ABCC4: variants seen among roughly 807,000 people sequenced by gnomAD.
The protein encoded by ABCC4 is ATP-binding cassette sub-family C member 4.
ABCC4 carries 102 observed loss-of-function variants against 168.5 expected under a neutral mutation model. The ratio of observed to expected loss-of-function variants is 0.61; its 90% CI spans 0.52 to 0.71. The LOEUF is 0.71. Ranked by LOEUF, ABCC4 falls within the 30% of genes least tolerant of loss-of-function variation. ABCC4 has a pLI of 0.00. For synonymous variants in ABCC4, 617 were observed against 590.7 expected, an observed-to-expected ratio of 1.04 and a Z score of -0.65; for missense variants, 1,402 against 1,605.8, an observed-to-expected ratio of 0.87 and a Z score of 2.17.
At chr13:95,045,821 A>G (rs2032552515) in intron 27 of ABCC4, among the ~76,000 whole-genome samples, 1 of 152,186 alleles carries the variant, frequency 6.6e-6, no homozygotes, top group Non-Finnish European at 1.5e-5. Flanking sequence ...ATGCCCAACA[A>G]CAAAAAGCCA....
chr13:95,063,086 C>T (rs2033364718), intron 25 of ABCC4, among the ~76,000 whole-genome samples: 1 of 152,160 alleles, frequency 6.6e-6, no homozygotes, highest in African/African-American at 2.4e-5. Flanking sequence ...CATCCCTGGA[C>T]CCTACTGCAT....
intron 1 of ABCC4, among the ~76,000 whole-genome samples, chr13:95,275,342 A>G (rs568997549): frequency 1.3e-5 from 2 of 152,312 alleles, no homozygotes; most frequent in African/African-American, 4.8e-5. Flanking sequence ...TCTTAGGAGA[A>G]AAGGCAAGGA....
At chr13:95,281,127 T>C (rs1162177645) in intron 1 of ABCC4, among the ~76,000 whole-genome samples, 2 of 151,678 alleles carry the variant, frequency 1.3e-5, no homozygotes, top group African/African-American at 4.8e-5. Flanking sequence ...TGTGGCAACA[T>C]GGTGAAACCC....
intron 1 of ABCC4, among the ~76,000 whole-genome samples, chr13:95,251,118 GA>G (rs970603701): frequency 5.3e-5 from 8 of 152,122 alleles, no homozygotes; most frequent in Non-Finnish European, 1.0e-4. Flanking sequence ...GTATAAGAGG[GA>G]AAACACAGGT....
chr13:95,218,927 G>GAGAAAGAA (rs71111597), intron 4 of ABCC4, among the ~76,000 whole-genome samples: 1,737 of 42,350 alleles, frequency 0.041, 57 homozygotes, highest in Middle Eastern at 0.073. Context: ...GAGAAAGAAA[G>GAGAAAGAA]AGAAAGAAAG....
chr13:95,259,813 G>C (rs970039515), intron 1 of ABCC4, among the ~76,000 whole-genome samples: 2 of 146,684 alleles, frequency 1.4e-5, no homozygotes, highest in African/African-American at 5.0e-5. Flanking sequence ...TGTTAACAAA[G>C]AATTACAGTA....
intron 1 of ABCC4, among the ~76,000 whole-genome samples, chr13:95,292,194 C>T (rs558114929): frequency 6.6e-6 from 1 of 152,080 alleles, no homozygotes; most frequent in South Asian, 2.1e-4. Context: ...TTCATCTCTA[C>T]AAAAAATATA....
chr13:95,071,521 T>A, intron 25 of ABCC4, 141 bp downstream of exon 25: 1 of 674,142 alleles, frequency 1.5e-6, no homozygotes. Context: ...AGAATGTTGG[T>A]ATCCACATTC....
chr13:95,145,463 A>G (rs2036460302), intron 19 of ABCC4, among the ~76,000 whole-genome samples: 1 of 151,568 alleles, frequency 6.6e-6, no homozygotes, highest in African/African-American at 2.4e-5. Flanking sequence ...TCTACCTAAA[A>G]AAAAAAAAAA....
At position 95,247,565 on chromosome 13, in the gene ABCC4, AC is replaced by A. The variant is rs1594374643; in HGVS notation, c.185+77del. ...AGGGTAAACGGAGGCTCCAGACAGG[AC>A]CCAGGAAGGCAAAACCCACTCCCCA... is the stretch of plus-strand genomic sequence containing the variant. On this transcript the variant is annotated intron_variant, in intron 2 of 30. Coordinates refer to ENST00000645237, the MANE Select transcript of ABCC4 (RefSeq NM_005845.5). The A allele has an allele frequency of 1.1e-5, 12 of 1,099,024 alleles. No homozygotes were observed. The East Asian group carries it at 2.8e-4, about 26-fold the overall frequency. 68.1% of individuals were successfully genotyped at this position (1,099,024 alleles called of 1,614,324 possible).
intron 1 of ABCC4, among the ~76,000 whole-genome samples, chr13:95,297,050 C>T (rs2041552579): frequency 6.6e-6 from 1 of 152,100 alleles, no homozygotes; most frequent in Admixed American, 6.6e-5. Context: ...GCAGGTGTAT[C>T]ACCTGAGGTC....
chr13:95,039,320 C>T (rs114070850), intron 29 of ABCC4, among the ~76,000 whole-genome samples: 27 of 152,326 alleles, frequency 1.8e-4, no homozygotes, highest in African/African-American at 6.5e-4. Flanking sequence ...TTTCAGATTT[C>T]AGATTAGGGG....
chr13:95,145,845 A>G (rs2036475334), intron 19 of ABCC4, among the ~76,000 whole-genome samples: 2 of 152,180 alleles, frequency 1.3e-5, no homozygotes, highest in African/African-American at 2.4e-5. Flanking sequence ...AATTAACAAG[A>G]AACAGAAAAC....
At chr13:95,163,281 A>G (rs3765535) in intron 17 of ABCC4, 65 bp from the exon 18 acceptor site, 161,261 of 1,147,516 alleles carry the variant, frequency 0.14, 15,236 homozygotes, top group African/African-American at 0.41. Flanking sequence ...ACATTTTTTT[A>G]AAAATGAACC....
chr13:95,031,483 C>A (rs1182184820), intron 30 of ABCC4, among the ~76,000 whole-genome samples: 1 of 152,266 alleles, frequency 6.6e-6, no homozygotes, highest in Non-Finnish European at 1.5e-5. Context: ...GACACATGAC[C>A]CAACATCCTC....
chr13:95,161,470 T>C, intron 18 of ABCC4, 135 bp from the exon 19 acceptor site: 1 of 592,946 alleles, frequency 1.7e-6, no homozygotes, highest in South Asian at 4.7e-5. Flanking sequence ...TACATAAGTA[T>C]AATGTATTTA....
chr13:95,193,112 C>T (rs139723132), intron 9 of ABCC4, among the ~76,000 whole-genome samples: 2 of 152,200 alleles, frequency 1.3e-5, no homozygotes, highest in East Asian at 3.9e-4. Context: ...ACAGGGAGTG[C>T]AATACTTAGA....
At chr13:95,143,302 T>C (rs1240034606) in intron 19 of ABCC4, among the ~76,000 whole-genome samples, 1 of 152,196 alleles carries the variant, frequency 6.6e-6, no homozygotes, top group Non-Finnish European at 1.5e-5. Context: ...CCTCCTGAGA[T>C]GCCCCTTCTG....
chr13:95,040,487 C>T (rs757715992), intron 29 of ABCC4, among the ~76,000 whole-genome samples: 4 of 152,296 alleles, frequency 2.6e-5, no homozygotes, highest in Non-Finnish European at 5.9e-5. Context: ...CTGCCCTTCT[C>T]GGCCTCCCAA....
Sources: allele counts gnomAD v4.1 joint callset (sites outside exome capture counted in the v4.1 genomes callset), GRCh38; gene constraint gnomAD v4.1.1; transcripts MANE v1.5; gene names NCBI Gene and HGNC (gene_info 2026-07-23, HGNC 2026-07-21).